The following GALNT13 variants were observed in gnomAD, a reference collection of about 807,000 sequenced individuals.
The protein encoded by GALNT13 is UDP-GalNAc:polypeptide N-acetylgalactosaminyltransferase 13.
A neutral mutation model predicts 64.2 loss-of-function variants in GALNT13; 28 were observed. The observed-to-expected ratio is 0.44, with a 90% CI of 0.32 to 0.60. The LOEUF (loss-of-function observed/expected upper bound fraction) is 0.60. GALNT13 is among the 20% of genes least tolerant of loss of function. The probability of loss-of-function intolerance (pLI) is 0.05; values close to 1 mark genes in which losing one functional copy is unlikely to be tolerated. For synonymous variants in GALNT13, 214 were observed against 224.6 expected (o/e 0.95, Z 0.42); for missense variants, 577 against 669.8 (o/e 0.86, Z 1.53).
chr2:153,111,252 T>C, the GALNT13 span, among the ~76,000 whole-genome samples: 1 of 152,124 alleles, frequency 6.6e-6, no homozygotes, highest in Non-Finnish European at 1.5e-5. Flanking sequence ...AATGATACCT[T>C]AGAAATTCCT....
the GALNT13 span, among the ~76,000 whole-genome samples, chr2:153,150,791 G>T: frequency 3.3e-5 from 5 of 151,958 alleles, no homozygotes; most frequent in African/African-American, 1.2e-4. Flanking sequence ...GTAGATATGC[G>T]GCATTATTTC....
At chr2:154,306,618 T>TGGG (rs70983716) in intron 9 of GALNT13, among the ~76,000 whole-genome samples, 23,259 of 125,754 alleles carry the variant, frequency 0.18, 2,291 homozygotes, top group Admixed American at 0.25. Context: ...GATAATTTGG[T>TGGG]GGGGGGGGGG....
At chr2:154,273,473 T>A (rs1691464391) in intron 8 of GALNT13, among the ~76,000 whole-genome samples, 1 of 152,194 alleles carries the variant, frequency 6.6e-6, no homozygotes. Context: ...ATGTTTTGGT[T>A]GACTGATTTG....
chr2:153,080,046 G>T, the GALNT13 span, among the ~76,000 whole-genome samples: 1 of 152,112 alleles, frequency 6.6e-6, no homozygotes, highest in South Asian at 2.1e-4. Flanking sequence ...TATTTGCAAA[G>T]AGTTGTTCTT....
chr2:154,135,121 A>G (rs1343951634), intron 3 of GALNT13, among the ~76,000 whole-genome samples: 1 of 152,258 alleles, frequency 6.6e-6, no homozygotes, highest in African/African-American at 2.4e-5. Flanking sequence ...TCATTCAAGC[A>G]GTAGTTTACT....
chr2:153,383,729 C>T, the GALNT13 span, among the ~76,000 whole-genome samples: 1 of 151,950 alleles, frequency 6.6e-6, no homozygotes, highest in Non-Finnish European at 1.5e-5. Flanking sequence ...GTAGATTCTC[C>T]AATTTACAAG....
chr2:153,337,731 C>G, the GALNT13 span: 3 of 152,298 alleles, frequency 2.0e-5, no homozygotes, highest in Admixed American at 2.0e-4. Context: ...CCAGCCCTGT[C>G]CATTGTGACC....
intron 8 of GALNT13, among the ~76,000 whole-genome samples, chr2:154,259,945 A>G (rs1213073915): frequency 6.6e-6 from 1 of 151,906 alleles, no homozygotes; most frequent in East Asian, 1.9e-4. Context: ...CAGTGGTGCA[A>G]TTTCAGGGCT....
the GALNT13 span, among the ~76,000 whole-genome samples, chr2:153,854,811 T>A: frequency 2.6e-5 from 4 of 152,146 alleles, no homozygotes; most frequent in Non-Finnish European, 5.9e-5. Context: ...ACACGCTGCC[T>A]CTAAAATGTA....
At chr2:153,666,048 AC>A in the GALNT13 span, among the ~76,000 whole-genome samples, 1 of 151,834 alleles carries the variant, frequency 6.6e-6, no homozygotes, top group East Asian at 1.9e-4. Context: ...TGATCTGAAC[AC>A]CCCTCTATCT....
chr2:153,725,227 A>G, the GALNT13 span, among the ~76,000 whole-genome samples: 3 of 146,942 alleles, frequency 2.0e-5, no homozygotes, highest in Admixed American at 1.4e-4. Flanking sequence ...AACACCGCAT[A>G]TTCTCCCTCA....
the GALNT13 span, among the ~76,000 whole-genome samples, chr2:153,745,993 C>T: frequency 1.3e-5 from 2 of 152,184 alleles, no homozygotes; most frequent in Non-Finnish European, 2.9e-5. Context: ...TAATATGGTA[C>T]TGGTTTCCCA....
the GALNT13 span, among the ~76,000 whole-genome samples, chr2:153,404,514 A>AT: frequency 0.12 from 18,655 of 150,112 alleles, 1,282 homozygotes; most frequent in South Asian, 0.22. Context: ...TTTTCAAAAG[A>AT]TTTTTTTTTT....
the GALNT13 span, among the ~76,000 whole-genome samples, chr2:153,091,726 T>C: frequency 6.6e-6 from 1 of 152,346 alleles, no homozygotes; most frequent in Non-Finnish European, 1.5e-5. Flanking sequence ...GAGCTCCTTA[T>C]GTAGTCTGGT....
intron 7 of GALNT13, among the ~76,000 whole-genome samples, chr2:154,258,751 A>G (rs1690524637): frequency 6.6e-6 from 1 of 151,942 alleles, no homozygotes; most frequent in African/African-American, 2.4e-5. Context: ...GAGGGAATAT[A>G]GAAGTACCAG....
chr2:154,013,031 G>A (rs10185309), intron 3 of GALNT13, among the ~76,000 whole-genome samples: 113,998 of 148,992 alleles, frequency 0.77, 43,997 homozygotes, highest in East Asian at 0.96. Flanking sequence ...CTTCATTCCT[G>A]TGTATATTTT....
intron 3 of GALNT13, among the ~76,000 whole-genome samples, chr2:153,995,321 T>C (rs985649011): frequency 6.6e-6 from 1 of 151,872 alleles, no homozygotes; most frequent in Admixed American, 6.6e-5. Context: ...ATTAAAACAT[T>C]TATTTTATGT....
chr2:153,944,664 G>A (rs747138875), intron 3 of GALNT13, 25 bp downstream of exon 3: 6 of 1,583,066 alleles, frequency 3.8e-6, no homozygotes, highest in South Asian at 1.1e-5. Context: ...AGCAAATACT[G>A]TCTTTATAGA....
the GALNT13 span, among the ~76,000 whole-genome samples, chr2:153,091,148 C>T: frequency 1.3e-5 from 2 of 152,154 alleles, no homozygotes; most frequent in South Asian, 2.1e-4. Flanking sequence ...TGTGCCTAGT[C>T]GAAACCACTA....
Sources: allele counts gnomAD v4.1 joint callset (sites outside exome capture counted in the v4.1 genomes callset), GRCh38; gene constraint gnomAD v4.1.1; transcripts MANE v1.5; gene names NCBI Gene and HGNC (gene_info 2026-07-23, HGNC 2026-07-21).